The following CUX1 variants were observed in gnomAD, a reference collection of about 807,000 sequenced individuals.
The protein encoded by CUX1 is cut like homeobox 1.
Under a neutral mutation model 158.8 loss-of-function variants are expected in CUX1, and 31 were observed. That is an observed-to-expected ratio of 0.20 (90% CI 0.15 to 0.26). The LOEUF (loss-of-function observed/expected upper bound fraction) is 0.26. Ranked by LOEUF, CUX1 falls within the 10% of genes least tolerant of loss-of-function variation. The probability of loss-of-function intolerance (pLI) is 1.00; values close to 1 mark genes in which losing one functional copy is unlikely to be tolerated. For missense variants in CUX1, 1,589 were observed against 2,014.6 expected, an observed-to-expected ratio of 0.79 and a Z score of 4.04; for synonymous variants, 879 against 862.1, an observed-to-expected ratio of 1.02 and a Z score of -0.34.
intron 1 of CUX1, among the ~76,000 whole-genome samples, chr7:101,912,949 A>G (rs1584958692): frequency 1.3e-5 from 2 of 151,870 alleles, no homozygotes; most frequent in East Asian, 3.9e-4. Context: ...TGGGACCCCC[A>G]CCTCCACCTC....
At chr7:102,060,157 A>T (rs1020081774) in intron 3 of CUX1, among the ~76,000 whole-genome samples, 10 of 152,066 alleles carry the variant, frequency 6.6e-5, no homozygotes, top group African/African-American at 2.4e-4. Flanking sequence ...GGGCGCCTGT[A>T]GTCCTAGCTA....
chr7:101,915,913 C>T (rs879566788), intron 1 of CUX1, among the ~76,000 whole-genome samples: 15 of 152,136 alleles, frequency 9.9e-5, no homozygotes, highest in Non-Finnish European at 1.9e-4. Flanking sequence ...AACCACTTCA[C>T]ATGGGACGGA....
In CUX1 at chr7:101,856,182, CAAAAA is replaced by C. The variant is rs768518044; in HGVS notation, c.30+38533_30+38537del. ...TGGGTGACAGAGTGAGACCCTGTCT[CAAAAA>C]AAAAAAAAAAAAAAAAAAAGGAAAC... On this transcript the variant is annotated intron_variant, in intron 1 of 23. Transcript: ENST00000292535. Among the ~76,000 whole-genome samples, 61 of 48,042 alleles carry C rather than the reference CAAAAA, an allele frequency of 1.3e-3. 1 individual carries two copies. The highest frequency in any genetic ancestry group is 9.3e-3 in the South Asian group (12 of 1,294). The allele number at this position is 48,042 out of a possible 152,430, so 31.5% of individuals were successfully genotyped here. A position where few individuals can be genotyped will look rare whatever the true frequency, so the allele number is the denominator to read the frequency against.
In CUX1 at chr7:102,205,137, C is replaced by A. The variant is rs782623380; in HGVS notation, c.3097C>A (p.Gln1033Lys). ...AGTCCTCCACTCCGTGACATCGCTC[C>A]AGGACCCGCTGCAGCAGGGCTGTGT... Reference protein sequence around the residue: ...GPVLHSVTSLQDPLQQGCVSS... With the variant: ...GPVLHSVTSLKDPLQQGCVSS... The change falls in exon 20 of 24, where the codon CAG becomes AAG. Residue 1033 changes from glutamine (Q) to lysine (K), a missense_variant. Physicochemically the swap from Gln to Lys is moderately conservative, Grantham distance 53 (BLOSUM62 1). Around this residue, in one of 8 missense-constraint regions of CUX1, gnomAD observed 259 missense variants for 373.8 expected, o/e 0.69. Transcript: ENST00000292535. The A allele has an allele frequency of 1.2e-6, 2 of 1,612,208 alleles. No individual in the cohort carries two copies. The highest frequency in any genetic ancestry group is 1.7e-6 in the Non-Finnish European group (2 of 1,179,038).
intron 2 of CUX1, among the ~76,000 whole-genome samples, chr7:101,971,020 C>T (rs1250391292): frequency 6.6e-6 from 1 of 152,218 alleles, no homozygotes; most frequent in Non-Finnish European, 1.5e-5. Context: ...TTGAACAAGG[C>T]ACTGAGCTGA....
At chr7:102,266,203 C>CA (rs34666659) in intron 14 of CUX1, among the ~76,000 whole-genome samples, 19,508 of 100,792 alleles carry the variant, frequency 0.19, 1,630 homozygotes, top group Middle Eastern at 0.31. Flanking sequence ...GACTCCGTTT[C>CA]AAAAAAAAAA....
chr7:101,889,687 G>C (rs1800649351), intron 1 of CUX1, among the ~76,000 whole-genome samples: 1 of 152,222 alleles, frequency 6.6e-6, no homozygotes, highest in Non-Finnish European at 1.5e-5. Flanking sequence ...CAGGAGAATT[G>C]CTTGAACCTG....
chr7:102,220,911 G>T (rs1055516196), intron 20 of CUX1, among the ~76,000 whole-genome samples: 2 of 152,018 alleles, frequency 1.3e-5, no homozygotes, highest in South Asian at 4.2e-4. Context: ...GGGTTTTGCC[G>T]TGTTAGCAGG....
At chr7:102,274,068 T>A (rs907727757) in intron 15 of CUX1, 6 of 613,052 alleles carry the variant, frequency 9.8e-6, no homozygotes, top group Non-Finnish European at 1.8e-5. Context: ...CATCTCTTCT[T>A]TGGTAGCTCA....
Position 102,250,830 on chromosome 7 carries a change from G to T in CUX1, c.*1788G>T. ...TTTATACGTCTGTGTATTTTCTTAA[G>T]TACCTGTGCACACGTAGAGTGCATT... On this transcript the variant is annotated 3_prime_UTR_variant, in exon 24 of 24. Coordinates refer to ENST00000292535, the MANE Select transcript of CUX1 (RefSeq NM_181552.4). 1 of 985,402 alleles carries T rather than the reference G, an allele frequency of 1.0e-6. No homozygotes were observed. Among genetic ancestry groups the T allele is most frequent in the Non-Finnish European group, 1.2e-6 (1 of 829,940 alleles). 61.0% of individuals were successfully genotyped at this position (985,402 alleles called of 1,614,324 possible).
intron 20 of CUX1, among the ~76,000 whole-genome samples, chr7:102,224,301 C>G (rs967457981): frequency 2.1e-4 from 32 of 152,122 alleles, no homozygotes; most frequent in African/African-American, 7.0e-4. Context: ...CCGCCTCCCC[C>G]ATTCAAGCCA....
intron 20 of CUX1, among the ~76,000 whole-genome samples, chr7:102,213,794 G>A (rs1433052050): frequency 6.6e-6 from 1 of 152,166 alleles, no homozygotes; most frequent in Non-Finnish European, 1.5e-5. Context: ...CCACATGCTG[G>A]TGTGGTCTCT....
At chr7:102,080,335 G>T (rs1003608242) in intron 4 of CUX1, among the ~76,000 whole-genome samples, 5 of 152,110 alleles carry the variant, frequency 3.3e-5, no homozygotes, top group Non-Finnish European at 7.4e-5. Context: ...TTCATCAGTC[G>T]CTCATCAGCA....
At chr7:102,162,835 G>A (rs1018017190) in intron 9 of CUX1, among the ~76,000 whole-genome samples, 1 of 152,144 alleles carries the variant, frequency 6.6e-6, no homozygotes, top group African/African-American at 2.4e-5. Context: ...ATTCCCAGTG[G>A]TCTGGCTCTC....
chr7:101,855,102 C>T (rs934770464), intron 1 of CUX1, among the ~76,000 whole-genome samples: 11 of 152,238 alleles, frequency 7.2e-5, no homozygotes, highest in African/African-American at 2.4e-4. Context: ...GCATCCTCTT[C>T]CCTCTTGCTT....
upstream of CUX1, chr7:101,817,551 C>A: frequency 7.7e-7 from 1 of 1,296,906 alleles, no homozygotes; most frequent in Non-Finnish European, 9.8e-7. The surrounding 1 kb of genome is among the most constrained non-coding windows in gnomAD (Gnocchi z 4.1). Flanking sequence ...ACCCCCCGCC[C>A]GGAGGAGCGG....
At chr7:101,818,527 G>A (rs1036875073) in intron 1 of CUX1, among the ~76,000 whole-genome samples, 6 of 152,140 alleles carry the variant, frequency 3.9e-5, no homozygotes, top group African/African-American at 1.4e-4. Flanking sequence ...AGGGGATCAG[G>A]GCTCCAGGGT....
intron 2 of CUX1, among the ~76,000 whole-genome samples, chr7:101,949,537 T>C (rs577481045): frequency 6.7e-6 from 1 of 149,628 alleles, no homozygotes; most frequent in East Asian, 2.0e-4. Context: ...TTTTCTTCCT[T>C]TTTTTTTCTT....
intron 1 of CUX1, among the ~76,000 whole-genome samples, chr7:101,837,508 C>G (rs1794754264): frequency 6.6e-6 from 1 of 152,070 alleles, no homozygotes. Context: ...TTAAGAACAT[C>G]TTGCCAGTTG....
Sources: allele counts gnomAD v4.1 joint callset (sites outside exome capture counted in the v4.1 genomes callset), GRCh38; gene constraint gnomAD v4.1.1; regional missense constraint gnomAD v4.1.1; non-coding constraint Gnocchi (gnomAD v3.1); transcripts MANE v1.5; gene names NCBI Gene and HGNC (gene_info 2026-07-23, HGNC 2026-07-21).